Variants in DDX60L observed in about 807,000 individuals in gnomAD.
DDX60L encodes DExD/H-box 60 like.
DDX60L carries 191 observed loss-of-function variants against 211.6 expected under a neutral mutation model. The observed-to-expected ratio is 0.90, with a 90% confidence interval of 0.80 to 1.02. The LOEUF is 1.02. Among genes scored for constraint, DDX60L ranks in the 50% least tolerant of loss-of-function variants. The pLI is 0.00. For missense variants in DDX60L, 2,007 were observed against 1,984.1 expected (o/e 1.01, Z -0.22); for synonymous variants, 706 against 694.1 (o/e 1.02, Z -0.27).
chr4:168,437,092 A>C (rs1753141952), intron 10 of DDX60L, among the ~76,000 whole-genome samples: 1 of 152,220 alleles, frequency 6.6e-6, no homozygotes, highest in Non-Finnish European at 1.5e-5. Flanking sequence ...CAATGCAAAC[A>C]GTACTCTATG....
rs1194875453 is a variant in DDX60L at position 168,368,579 on chromosome 4, A to C, written c.4928+3033T>G. On this transcript the variant is annotated intron_variant, in intron 36 of 37. Transcript: ENST00000682922. ...GGGCACTGCCTAGTGGAGCTGTGAG[A>C]AGAGGGCCACTATCCTCTGTACCCC... 2.0e-5 allele frequency among the ~76,000 whole-genome samples: 3 copies of C among 152,168 alleles called. No homozygotes were observed. The East Asian group carries it at 5.8e-4, about 29-fold the overall frequency.
intron 30 of DDX60L, among the ~76,000 whole-genome samples, chr4:168,382,887 T>C (rs1743210997): frequency 6.6e-6 from 1 of 152,204 alleles, no homozygotes; most frequent in Non-Finnish European, 1.5e-5. Flanking sequence ...ACTAAAATCA[T>C]AAGACCTGAG....
intron 22 of DDX60L, among the ~76,000 whole-genome samples, chr4:168,412,471 G>C (rs890164409): frequency 1.3e-5 from 2 of 152,028 alleles, no homozygotes; most frequent in Non-Finnish European, 2.9e-5. Flanking sequence ...CATGGGCCAG[G>C]GCCGCTGGTG....
intron 36 of DDX60L, among the ~76,000 whole-genome samples, chr4:168,366,378 C>T (rs1167925275): frequency 1.3e-5 from 2 of 151,732 alleles, no homozygotes; most frequent in African/African-American, 4.8e-5. Context: ...TTTTTTAAAA[C>T]AAATTCATTT....
chr4:168,421,950 A>G, intron 16 of DDX60L, 41 bp from the exon 17 acceptor site: 2 of 1,613,086 alleles, frequency 1.2e-6, no homozygotes, highest in Non-Finnish European at 1.7e-6. Context: ...GAAAGTGAAC[A>G]GCATGTTACC....
chr4:168,436,053 C>A (rs1752998550), intron 10 of DDX60L, among the ~76,000 whole-genome samples: 1 of 152,102 alleles, frequency 6.6e-6, no homozygotes. Flanking sequence ...GCATCTGGCC[C>A]CTCCTACAAT....
chr4:168,372,026 C>T (rs1420564487), intron 35 of DDX60L, among the ~76,000 whole-genome samples: 2 of 152,028 alleles, frequency 1.3e-5, no homozygotes, highest in Non-Finnish European at 2.9e-5. Context: ...GAAATAGGAA[C>T]TCTCAAAGCA....
intron 9 of DDX60L, among the ~76,000 whole-genome samples, chr4:168,447,827 A>G (rs1234802091): frequency 1.4e-5 from 2 of 139,868 alleles, no homozygotes; most frequent in East Asian, 2.2e-4. Context: ...GAATTGAACA[A>G]TGAGATCACA....
chr4:168,442,756 A>G (rs1754116895), intron 9 of DDX60L, among the ~76,000 whole-genome samples: 1 of 151,314 alleles, frequency 6.6e-6, no homozygotes, highest in Non-Finnish European at 1.5e-5. Flanking sequence ...GGCACCCCCC[A>G]GCAGGGGCAC....
intron 1 of DDX60L, among the ~76,000 whole-genome samples, chr4:168,475,787 T>C (rs1759399337): frequency 6.6e-6 from 1 of 151,942 alleles, no homozygotes; most frequent in African/African-American, 2.4e-5. Flanking sequence ...CTTCAGGAGG[T>C]AATTAGGATT....
intron 4 of DDX60L, 143 bp from the exon 5 acceptor site, chr4:168,462,183 C>T (rs1393971827): frequency 8.0e-6 from 5 of 628,422 alleles, no homozygotes; most frequent in Admixed American, 6.2e-5. Context: ...AACTTGACTC[C>T]TTTCACAAGT....
rs1199517678 is a variant in DDX60L, at chr4:168,371,522, T to C, written c.4928+90A>G. 3 of 535,450 alleles carry C rather than the reference T, an allele frequency of 5.6e-6. No homozygotes were observed. In the African/African-American group the frequency reaches 5.9e-5, roughly 11 times the overall value. The allele number at this position is 535,450 out of a possible 1,614,324, so 33.2% of individuals were successfully genotyped here. Reference sequence around the variant, plus strand: ...ATATAACTATATAATGTAAATTATATGCTGTTACATATATAATATGAATAT... The same window carrying C: ...ATATAACTATATAATGTAAATTATACGCTGTTACATATATAATATGAATAT... On this transcript the variant is annotated intron_variant, in intron 36 of 37. Transcript: ENST00000682922.
At chr4:168,432,765 T>C (rs528071451) in intron 11 of DDX60L, among the ~76,000 whole-genome samples, 195 bp from the exon 12 acceptor site, 62 of 151,676 alleles carry the variant, frequency 4.1e-4, no homozygotes, top group Middle Eastern at 3.4e-3. Flanking sequence ...TCAACAACAA[T>C]GTAGTAAACT....
intron 14 of DDX60L, among the ~76,000 whole-genome samples, chr4:168,425,219 G>C (rs1481175613): frequency 6.6e-6 from 1 of 152,138 alleles, no homozygotes; most frequent in South Asian, 2.1e-4. Context: ...TCTGTTAATA[G>C]CTAATGGCAA....
At chr4:168,406,393 T>C (rs1481547915) in intron 23 of DDX60L, among the ~76,000 whole-genome samples, 1 of 152,142 alleles carries the variant, frequency 6.6e-6, no homozygotes, top group Non-Finnish European at 1.5e-5. Context: ...AGAAGACATA[T>C]TTTTGAGAAT....
intron 14 of DDX60L, among the ~76,000 whole-genome samples, chr4:168,426,597 C>T (rs1032354036): frequency 1.3e-5 from 2 of 152,306 alleles, no homozygotes; most frequent in African/African-American, 2.4e-5. Flanking sequence ...GTTCACTATA[C>T]AAACACACTT....
intron 29 of DDX60L, among the ~76,000 whole-genome samples, chr4:168,391,182 C>T (rs1483954613): frequency 3.3e-5 from 5 of 151,882 alleles, no homozygotes; most frequent in South Asian, 2.1e-4. Context: ...AAACAGCTAA[C>T]GCAAGGAATT....
intron 13 of DDX60L, among the ~76,000 whole-genome samples, chr4:168,428,666 A>C (rs1253674783): frequency 6.6e-6 from 1 of 152,110 alleles, no homozygotes; most frequent in Non-Finnish European, 1.5e-5. Context: ...GGATTTACCA[A>C]AGCAAATAAA....
intron 1 of DDX60L, among the ~76,000 whole-genome samples, chr4:168,477,083 G>A (rs561310715): frequency 5.6e-4 from 86 of 152,232 alleles, no homozygotes; most frequent in African/African-American, 2.0e-3. Flanking sequence ...AATTGCTACC[G>A]AAGTTAGCAT....
Sources: allele counts gnomAD v4.1 joint callset (sites outside exome capture counted in the v4.1 genomes callset), GRCh38; gene constraint gnomAD v4.1.1; transcripts MANE v1.5; gene names NCBI Gene and HGNC (gene_info 2026-07-23, HGNC 2026-07-21).